DELE1: variants seen among roughly 807,000 people sequenced by gnomAD.
DELE1 encodes DAP3 binding cell death enhancer 1, also known as death ligand signal enhancer.
In DELE1, 54 loss-of-function variants were observed where a neutral mutation model predicts 59.3. The ratio of observed to expected loss-of-function variants is 0.91; its 90% CI spans 0.73 to 1.14. The LOEUF (loss-of-function observed/expected upper bound fraction) is 1.14, where lower values mean the gene tolerates loss of function less well. DELE1 is among the 50% of genes most tolerant of loss of function. DELE1 has a pLI of 0.00. For synonymous variants in DELE1, 264 were observed against 259.1 expected (o/e 1.02, Z -0.18); for missense variants, 636 against 643.9 (o/e 0.99, Z 0.13).
chr5:141,929,552 G>T, intron 4 of DELE1, 30 bp from the exon 5 acceptor site: 1 of 1,609,528 alleles, frequency 6.2e-7, no homozygotes, highest in Non-Finnish European at 8.5e-7. Flanking sequence ...GCCTGGCCCA[G>T]ACCTGACTAC....
At chr5:141,924,457 C>G in intron 1 of DELE1, 124 bp from the exon 2 acceptor site, 1 of 681,384 alleles carries the variant, frequency 1.5e-6, no homozygotes, top group Non-Finnish European at 2.7e-6. Flanking sequence ...TGGGGTACTA[C>G]CCTAGAATCT....
At chr5:141,929,267 G>A (rs1231370477) in intron 4 of DELE1, among the ~76,000 whole-genome samples, 1 of 151,376 alleles carries the variant, frequency 6.6e-6, no homozygotes, top group Non-Finnish European at 1.5e-5. Context: ...TTTTTCTTTT[G>A]AGACACAGTC....
Position 141,927,178 on chromosome 5 carries a change from A to T in DELE1, c.265-973A>T, listed in dbSNP as rs186460904. 7.9e-5 allele frequency among the ~76,000 whole-genome samples: 12 copies of T among 152,314 alleles called. No individual in the cohort carries two copies. The East Asian group carries it at 2.3e-3, about 29-fold the overall frequency. On this transcript the variant is annotated intron_variant, in intron 3 of 11. Coordinates refer to ENST00000432126, the MANE Select transcript of DELE1 (RefSeq NM_014773.5). Reference sequence around the variant, plus strand: ...TGAGGGCAGAAATTATGTCTGTCTTACTTGCTATTGTATGCAGTGCCTGGA... The same window carrying T: ...TGAGGGCAGAAATTATGTCTGTCTTTCTTGCTATTGTATGCAGTGCCTGGA...
intron 3 of DELE1, among the ~76,000 whole-genome samples, chr5:141,925,753 C>A (rs1751351938): frequency 6.6e-6 from 1 of 152,144 alleles, no homozygotes; most frequent in Non-Finnish European, 1.5e-5. Flanking sequence ...CTTGTCTGGG[C>A]CAGGCATTTT....
intron 2 of DELE1, 24 bp from the exon 3 acceptor site, chr5:141,925,386 A>G (rs543811131): frequency 1.3e-6 from 2 of 1,506,068 alleles, no homozygotes; most frequent in Non-Finnish European, 9.0e-7. Context: ...CCCCTACTTG[A>G]TAGCCTCTTA....
chr5:141,935,573 C>T (rs1354070240), intron 10 of DELE1, among the ~76,000 whole-genome samples: 1 of 152,166 alleles, frequency 6.6e-6, no homozygotes, highest in Admixed American at 6.5e-5. Context: ...AATGCTTTTC[C>T]TTGTCTACTC....
At chr5:141,927,372 G>A (rs1465221539) in intron 3 of DELE1, among the ~76,000 whole-genome samples, 1 of 152,158 alleles carries the variant, frequency 6.6e-6, no homozygotes, top group East Asian at 1.9e-4. Context: ...GCTAATTCTT[G>A]TATTTTTAGT....
Position 141,929,598 on chromosome 5 carries a change from C to T in DELE1, c.429C>T (p.Ile143=). ...TCTTTCCAGCACTGCGACAACACATCCTCCCCAGCCCCGATGGCCCAGCTC... is the reference window on the plus strand; with the variant it reads ...TCTTTCCAGCACTGCGACAACACATTCTCCCCAGCCCCGATGGCCCAGCTC... ...WHPCSSLRQH[I]LPSPDGPAPR... The change falls in exon 5 of 12, where the codon ATC becomes ATT. Residue 143 remains isoleucine, a synonymous_variant. Coordinates refer to ENST00000432126, the MANE Select transcript of DELE1 (RefSeq NM_014773.5). 1 of 1,613,846 alleles carries T rather than the reference C, an allele frequency of 6.2e-7. No individual in the cohort carries two copies. The highest frequency in any genetic ancestry group is 8.5e-7 in the Non-Finnish European group (1 of 1,180,004).
chr5:141,941,384 G>A lies in DELE1; in HGVS notation c.*2625G>A. 1 of 985,576 alleles carries A rather than the reference G, an allele frequency of 1.0e-6. No individual in the cohort carries two copies. Among genetic ancestry groups the A allele is most frequent in the Non-Finnish European group, 1.2e-6 (1 of 830,042 alleles). 61.1% of individuals were successfully genotyped at this position (985,576 alleles called of 1,614,324 possible). On this transcript the variant is annotated 3_prime_UTR_variant, in exon 12 of 12. Coordinates refer to ENST00000432126, the MANE Select transcript of DELE1 (RefSeq NM_014773.5). Reference sequence around the variant, plus strand: ...AAGGGCCTCTCCTGTGGAAAGGGAAGGATGGCAGAGTCGTGAGAAAGGTGT... The same window carrying A: ...AAGGGCCTCTCCTGTGGAAAGGGAAAGATGGCAGAGTCGTGAGAAAGGTGT...
In DELE1 at chr5:141,928,135, G is replaced by T. The variant is rs374856539; in HGVS notation, c.265-16G>T. 6.2e-7 allele frequency: 1 copy of T among 1,610,890 alleles called. No individual in the cohort carries two copies. The highest frequency in any genetic ancestry group is 8.5e-7 in the Non-Finnish European group (1 of 1,178,320). The stretch of plus-strand genomic sequence containing the variant: ...ATTGGTGAAGGACCGTGTCCTTAAC[G>T]TGCTGTCTTTCCCAGGGCACTCTGG... On this transcript the variant is annotated splice_polypyrimidine_tract_variant and intron_variant, in intron 3 of 11. Transcript: ENST00000432126.
At chr5:141,933,171 G>C in intron 7 of DELE1, 88 bp from the exon 8 acceptor site, 13 of 892,916 alleles carry the variant, frequency 1.5e-5, no homozygotes, top group Non-Finnish European at 1.8e-5. Flanking sequence ...AAGGGAGGAG[G>C]ATCAGATGAG....
At chr5:141,930,883 A>C (rs760216556) in intron 7 of DELE1, among the ~76,000 whole-genome samples, 16 of 152,192 alleles carry the variant, frequency 1.1e-4, no homozygotes, top group Non-Finnish European at 2.2e-4. Context: ...ATTGGGGTCT[A>C]GTGGGCAGAT....
chr5:141,927,133 A>C (rs1391571582), intron 3 of DELE1, among the ~76,000 whole-genome samples: 3 of 152,176 alleles, frequency 2.0e-5, no homozygotes, highest in East Asian at 3.9e-4. Flanking sequence ...TGTCTTTCTA[A>C]ACACAAGATA....
rs1247550845 is a variant in DELE1 at position 141,933,112 on chromosome 5, ATATAT to A, written c.755-146_755-142del. 6.1e-3 allele frequency: 687 copies of A among 112,250 alleles called. 10 individuals are homozygous for A. Among genetic ancestry groups the A allele is most frequent in the African/African-American group, 0.026 (652 of 25,166 alleles). 7.0% of individuals were successfully genotyped at this position (112,250 alleles called of 1,614,324 possible). On this transcript the variant is annotated intron_variant, in intron 7 of 11. Coordinates refer to ENST00000432126, the MANE Select transcript of DELE1 (RefSeq NM_014773.5). ...TCCATCTCAAAAAAAAAAAAAAAAA[ATATAT>A]ATATATATATATATATATGTAAAGT...
In DELE1 at chr5:141,929,636, G is replaced by T. The variant is rs747556845; in HGVS notation, c.467G>T (p.Gly156Val). Residue 156 changes from glycine (G) to valine (V), a missense_variant, in exon 5 of 12, where the codon GGC becomes GTC. By Grantham distance (109) the Gly-to-Val change is moderately radical (BLOSUM62 -3). Coordinates refer to ENST00000432126, the MANE Select transcript of DELE1 (RefSeq NM_014773.5). ...SPDGPAPRHT[G>V]LREPRLGQEE... ...GATGGCCCAGCTCCCAGGCACACTGGCCTCAGGGAACCCAGGCTTGGCCAG... is the reference window on the plus strand; with the variant it reads ...GATGGCCCAGCTCCCAGGCACACTGTCCTCAGGGAACCCAGGCTTGGCCAG... The T allele has an allele frequency of 5.0e-6, 8 of 1,614,182 alleles. No individual in the cohort carries two copies. Among genetic ancestry groups the T allele is most frequent in the Non-Finnish European group, 6.8e-6 (8 of 1,180,046 alleles).
Position 141,930,166 on chromosome 5 carries a change from T to G in DELE1, c.658-12T>G. ...ACCATCCCTTGGTGAGTCTTTTATA[T>G]TTCTTTCCCAGGAACAAGATAAATC... On this transcript the variant is annotated splice_polypyrimidine_tract_variant and intron_variant, in intron 6 of 11. Transcript: ENST00000432126. 6.2e-7 allele frequency: 1 copy of G among 1,612,168 alleles called. No individual in the cohort carries two copies. The highest frequency in any genetic ancestry group is 8.5e-7 in the Non-Finnish European group (1 of 1,178,488).
At chr5:141,933,488 G>T (rs1239071587) in intron 8 of DELE1, 87 bp downstream of exon 8, 8 of 1,111,718 alleles carry the variant, frequency 7.2e-6, no homozygotes, top group Non-Finnish European at 9.5e-6. Context: ...ATGGGGGAAA[G>T]TTTGGCTTCT....
chr5:141,932,560 T>C (rs1438956495), intron 7 of DELE1, among the ~76,000 whole-genome samples: 4 of 152,202 alleles, frequency 2.6e-5, no homozygotes, highest in Non-Finnish European at 5.9e-5. Flanking sequence ...AGAGTGCTGC[T>C]GTCAGAATAA....
intron 10 of DELE1, chr5:141,936,751 G>A (rs550948308): frequency 2.0e-6 from 1 of 489,094 alleles, no homozygotes; most frequent in South Asian, 8.7e-5. Context: ...GCTTTTTAAA[G>A]GAGAAGAGTT....
Sources: allele counts gnomAD v4.1 joint callset (sites outside exome capture counted in the v4.1 genomes callset), GRCh38; gene constraint gnomAD v4.1.1; transcripts MANE v1.5; gene names NCBI Gene and HGNC (gene_info 2026-07-23, HGNC 2026-07-21).